SEPTIN9: variants seen among roughly 807,000 people sequenced by gnomAD.
SEPTIN9 encodes the protein septin 9.
Under a neutral mutation model 56.6 loss-of-function variants are expected in SEPTIN9, and 13 were observed. That is an observed-to-expected ratio of 0.23 (90% CI 0.15 to 0.37). SEPTIN9 has a LOEUF of 0.37. SEPTIN9 is among the 10% of genes least tolerant of loss of function. The pLI, the probability that SEPTIN9 is intolerant of heterozygous loss-of-function variation, is 1.00. For synonymous variants in SEPTIN9, 332 were observed against 334.1 expected, an observed-to-expected ratio of 0.99 and a Z score of 0.07; for missense variants, 650 against 823.1, an observed-to-expected ratio of 0.79 and a Z score of 2.57.
Position 77,485,854 on chromosome 17 carries a change from T to A in SEPTIN9, c.914-1570T>A, listed in dbSNP as rs549398654. Among the ~76,000 whole-genome samples, 1,354 of 152,254 alleles carry A rather than the reference T, an allele frequency of 8.9e-3. 16 individuals carry two copies. The highest frequency in any genetic ancestry group is 0.027 in the African/African-American group (1,133 of 41,522). ...TTTAGGGTGTTTTTTGTGTTGTGTT[T>A]TTTTGAGACAGGGTCTCATTGTTGC... is the stretch of plus-strand genomic sequence containing the variant. On this transcript the variant is annotated intron_variant, in intron 4 of 11. Coordinates refer to ENST00000427177, the MANE Select transcript of SEPTIN9 (RefSeq NM_001113491.2).
chr17:77,496,510 T>TA (rs1290763285), intron 10 of SEPTIN9: 1 of 152,228 alleles, frequency 6.6e-6, no homozygotes, highest in Non-Finnish European at 1.5e-5. Context: ...CCTTCTGTTA[T>TA]ATAACAGTTA....
chr17:77,333,994 A>C (rs1032578002), intron 2 of SEPTIN9, among the ~76,000 whole-genome samples: 1 of 152,224 alleles, frequency 6.6e-6, no homozygotes, highest in Admixed American at 6.5e-5. Flanking sequence ...AATGCTTGAA[A>C]GAATGAACAC....
At chr17:77,355,174 C>G (rs1186641606) in intron 2 of SEPTIN9, among the ~76,000 whole-genome samples, 4 of 152,208 alleles carry the variant, frequency 2.6e-5, no homozygotes, top group African/African-American at 9.6e-5. Context: ...GCCAATGACT[C>G]TGGCTGATCC....
chr17:77,386,056 C>T (rs978897379), intron 2 of SEPTIN9, among the ~76,000 whole-genome samples: 8 of 152,104 alleles, frequency 5.3e-5, no homozygotes, highest in Non-Finnish European at 8.8e-5. Context: ...CTGCCTGGCC[C>T]GGGGTGGGGT....
chr17:77,499,845 C>T lies in SEPTIN9; in HGVS notation c.*1187C>T, dbSNP rs1245122869. Reference sequence around the variant, plus strand: ...TCTGTTGATCTACCCGTGCCTGGGCCCCTCCCCTCAGAGCCCATGGTAACG... The same window carrying T: ...TCTGTTGATCTACCCGTGCCTGGGCTCCTCCCCTCAGAGCCCATGGTAACG... On this transcript the variant is annotated 3_prime_UTR_variant, in exon 12 of 12. Transcript: ENST00000427177. The T allele has an allele frequency of 9.8e-6, 3 of 306,252 alleles. No homozygotes were observed. Among genetic ancestry groups the T allele is most frequent in the Non-Finnish European group, 1.9e-5 (3 of 161,754 alleles). 19.0% of individuals were successfully genotyped at this position (306,252 alleles called of 1,614,324 possible). A position where few individuals can be genotyped will look rare whatever the true frequency, so the allele number is the denominator to read the frequency against.
chr17:77,430,995 A>C (rs1341713382), intron 3 of SEPTIN9, among the ~76,000 whole-genome samples: 2 of 149,072 alleles, frequency 1.3e-5, no homozygotes, highest in Non-Finnish European at 2.9e-5. Flanking sequence ...CGTATCAAAA[A>C]AAAAAAAAAG....
intron 2 of SEPTIN9, among the ~76,000 whole-genome samples, chr17:77,398,271 G>A (rs9891158): frequency 0.037 from 5,607 of 152,272 alleles, 345 homozygotes; most frequent in African/African-American, 0.13. Context: ...CACCACGCCT[G>A]GCTTAGTAGG....
intron 2 of SEPTIN9, among the ~76,000 whole-genome samples, chr17:77,363,322 A>T (rs1033664579): frequency 6.6e-6 from 1 of 151,066 alleles, no homozygotes; most frequent in Non-Finnish European, 1.5e-5. Context: ...TACAATCTCA[A>T]AGTGGGCCAC....
Position 77,415,888 on chromosome 17 carries a change from C to G in SEPTIN9, c.721+13185C>G, listed in dbSNP as rs567876186. 1.8e-4 allele frequency among the ~76,000 whole-genome samples: 28 copies of G among 152,342 alleles called. No individual in the cohort carries two copies. The East Asian group carries it at 3.7e-3, about 20-fold the overall frequency. ...GGGCAGGACAGCCCCAGGAGGGCAC[C>G]TGGAGAGCAGGGCCGGCTGGGGCAA... On this transcript the variant is annotated intron_variant, in intron 3 of 11. Transcript: ENST00000427177.
At chr17:77,363,853 G>A (rs1043676587) in intron 2 of SEPTIN9, among the ~76,000 whole-genome samples, 8 of 152,120 alleles carry the variant, frequency 5.3e-5, no homozygotes, top group South Asian at 2.1e-4. Flanking sequence ...CAGGGGGTCC[G>A]TGTGGCCCTC....
chr17:77,422,046 T>TG (rs2036724876), intron 3 of SEPTIN9, among the ~76,000 whole-genome samples: 1 of 151,992 alleles, frequency 6.6e-6, no homozygotes, highest in South Asian at 2.1e-4. Flanking sequence ...TTTGTAGAAA[T>TG]GGAGTCTTAC....
At chr17:77,395,687 A>AGT (rs1465877654) in intron 2 of SEPTIN9, among the ~76,000 whole-genome samples, 3 of 152,164 alleles carry the variant, frequency 2.0e-5, no homozygotes, top group African/African-American at 7.2e-5. Flanking sequence ...CCCGGGTGTG[A>AGT]GTGTGTGTGT....
intron 2 of SEPTIN9, among the ~76,000 whole-genome samples, chr17:77,342,904 G>A (rs1022144218): frequency 7.9e-5 from 12 of 152,190 alleles, no homozygotes; most frequent in Non-Finnish European, 1.5e-4. Flanking sequence ...AGCCCGGGAA[G>A]GCAGACGTTG....
chr17:77,481,750 G>A lies in SEPTIN9; in HGVS notation c.722-394G>A, dbSNP rs572130411. 2.0e-5 allele frequency among the ~76,000 whole-genome samples: 3 copies of A among 152,352 alleles called. No homozygotes were observed. In the East Asian group the frequency reaches 5.8e-4, roughly 29 times the overall value. Reference sequence around the variant, plus strand: ...CCTGGGTGGCCCGAGGCAGTGTGGAGGGCCAGGAGAGGAGAGCACCCTCCA... The same window carrying A: ...CCTGGGTGGCCCGAGGCAGTGTGGAAGGCCAGGAGAGGAGAGCACCCTCCA... On this transcript the variant is annotated intron_variant, in intron 3 of 11. Coordinates refer to ENST00000427177, the MANE Select transcript of SEPTIN9 (RefSeq NM_001113491.2).
At chr17:77,479,469 G>T (rs1245941036) in intron 3 of SEPTIN9, among the ~76,000 whole-genome samples, 1 of 152,264 alleles carries the variant, frequency 6.6e-6, no homozygotes, top group Non-Finnish European at 1.5e-5. Flanking sequence ...CTGCAAGGCC[G>T]CCTCTCGAGG....
At chr17:77,292,198 G>C (rs951973031) in intron 1 of SEPTIN9, among the ~76,000 whole-genome samples, 1 of 152,216 alleles carries the variant, frequency 6.6e-6, no homozygotes, top group African/African-American at 2.4e-5. Context: ...TTGTGCAACA[G>C]TTTCTTCTGG....
At chr17:77,311,764 C>G (rs2164448) in intron 2 of SEPTIN9, among the ~76,000 whole-genome samples, 95,788 of 151,552 alleles carry the variant, frequency 0.63, 31,030 homozygotes, top group East Asian at 0.98. Context: ...GTGTGTCGGA[C>G]GAACAGGTGC....
rs191430645 is a variant in SEPTIN9 at position 77,437,490 on chromosome 17, C to T, written c.721+34787C>T. Among the ~76,000 whole-genome samples, 3 of 152,200 alleles carry T rather than the reference C, an allele frequency of 2.0e-5. No homozygotes were observed. The highest frequency in any genetic ancestry group is 1.9e-4 in the East Asian group (1 of 5,178). On this transcript the variant is annotated intron_variant, in intron 3 of 11. Transcript: ENST00000427177. The surrounding 1 kb of genome is among the most constrained non-coding windows in gnomAD (Gnocchi z 5.3). ...GCCAGGGGATGGCTCTCAGTACTCTCGGGGGTCTCTCAGTGAGGTGGGAGG... is the reference window on the plus strand; with the variant it reads ...GCCAGGGGATGGCTCTCAGTACTCTTGGGGGTCTCTCAGTGAGGTGGGAGG...
At chr17:77,362,667 G>A (rs1012850039) in intron 2 of SEPTIN9, among the ~76,000 whole-genome samples, 2 of 152,344 alleles carry the variant, frequency 1.3e-5, no homozygotes, top group Admixed American at 1.3e-4. Context: ...CTGAGCTGAT[G>A]CTGCTGTATG....
Sources: allele counts gnomAD v4.1 joint callset (sites outside exome capture counted in the v4.1 genomes callset), GRCh38; gene constraint gnomAD v4.1.1; non-coding constraint Gnocchi (gnomAD v3.1); transcripts MANE v1.5; gene names NCBI Gene and HGNC (gene_info 2026-07-23, HGNC 2026-07-21).